WWC2: variants seen among roughly 807,000 people sequenced by gnomAD.
WWC2 encodes WW and C2 domain containing 2, also known as protein WWC2.
In WWC2, 101 loss-of-function variants were observed where a neutral mutation model predicts 138.5. The observed-to-expected ratio is 0.73, with a 90% CI of 0.62 to 0.86. WWC2 has a LOEUF of 0.86. WWC2 is among the 40% of genes least tolerant of loss of function. WWC2 has a pLI of 0.00. For missense variants in WWC2, 1,420 were observed against 1,419.4 expected (o/e 1.00, Z -0.01); for synonymous variants, 558 against 538.4 (o/e 1.04, Z -0.50).
chr4:183,169,190 G>T (rs1309234299), intron 1 of WWC2, among the ~76,000 whole-genome samples: 1 of 152,216 alleles, frequency 6.6e-6, no homozygotes, highest in African/African-American at 2.4e-5. Context: ...TTCAGAAGTT[G>T]TAAAATCAAC....
At chr4:183,220,281 A>G (rs1025506664) in intron 4 of WWC2, among the ~76,000 whole-genome samples, 2 of 152,202 alleles carry the variant, frequency 1.3e-5, no homozygotes, top group Non-Finnish European at 2.9e-5. Flanking sequence ...CAGAGAACCT[A>G]GTGAGCTATT....
At chr4:183,149,470 A>G (rs190947498) in intron 1 of WWC2, among the ~76,000 whole-genome samples, 242 of 152,134 alleles carry the variant, frequency 1.6e-3, no homozygotes, top group African/African-American at 5.5e-3. Flanking sequence ...TGAAAATACA[A>G]AATTAGCCAG....
At chr4:183,265,168 T>C (rs944718738) in intron 12 of WWC2, 61 bp downstream of exon 12, 2 of 1,547,708 alleles carry the variant, frequency 1.3e-6, no homozygotes, top group Middle Eastern at 1.9e-4. Context: ...GGATGTGGGT[T>C]ATATGCTGTA....
At chr4:183,247,635 T>C (rs892162343) in intron 6 of WWC2, among the ~76,000 whole-genome samples, 2 of 139,624 alleles carry the variant, frequency 1.4e-5, no homozygotes, top group Non-Finnish European at 3.1e-5. Flanking sequence ...ATATACTATA[T>C]ATACTATATA....
At chr4:183,252,631 A>G (rs937084928) in intron 8 of WWC2, among the ~76,000 whole-genome samples, 6 of 152,170 alleles carry the variant, frequency 3.9e-5, no homozygotes, top group African/African-American at 1.4e-4. Context: ...CAGTGGTGTC[A>G]TGCCAGCTGC....
intron 4 of WWC2, among the ~76,000 whole-genome samples, chr4:183,210,878 T>C (rs1198777418): frequency 6.6e-6 from 1 of 152,224 alleles, no homozygotes; most frequent in South Asian, 2.1e-4. Context: ...GTGCGAGACA[T>C]ACCGTCTTAT....
chr4:183,182,758 A>G (rs1734671464), intron 1 of WWC2, among the ~76,000 whole-genome samples: 1 of 152,250 alleles, frequency 6.6e-6, no homozygotes, highest in African/African-American at 2.4e-5. Flanking sequence ...TGCAGTATTG[A>G]AAGATTTTCT....
intron 1 of WWC2, among the ~76,000 whole-genome samples, chr4:183,180,767 A>C (rs1734608219): frequency 6.6e-6 from 1 of 151,674 alleles, no homozygotes; most frequent in Admixed American, 6.6e-5. Context: ...ATTTATATGC[A>C]ATTCCAGAAA....
intron 21 of WWC2, among the ~76,000 whole-genome samples, chr4:183,297,382 A>G (rs190621241): frequency 7.9e-4 from 120 of 151,590 alleles, no homozygotes; most frequent in African/African-American, 2.1e-3. Flanking sequence ...TCTTTCTGTT[A>G]TGATTGTGGT....
chr4:183,174,183 C>G (rs1003016583), intron 1 of WWC2, among the ~76,000 whole-genome samples: 4 of 152,126 alleles, frequency 2.6e-5, no homozygotes, highest in South Asian at 4.1e-4. Context: ...TTCAGCAGTC[C>G]GAGCCACCTG....
In WWC2 at chr4:183,284,278, G is replaced by T. The variant is rs1375774383; in HGVS notation, c.2936G>T (p.Arg979Leu). 4 of 1,613,808 alleles carry T rather than the reference G, an allele frequency of 2.5e-6. No individual in the cohort carries two copies. The highest frequency in any genetic ancestry group is 3.4e-6 in the Non-Finnish European group (4 of 1,179,878). ...DEAANDNMAV[R>L]PKERSSLSSR... ...GCCGCTAATGACAATATGGCAGTTC[G>T]CCCCAAAGAGCGCAGCAGCCTGAGC... Residue 979 changes from arginine (R) to leucine (L), a missense_variant, in exon 19 of 23, where the codon CGC becomes CTC. Arg to Leu is a moderately radical substitution (Grantham distance 102). Coordinates refer to ENST00000403733, the MANE Select transcript of WWC2 (RefSeq NM_024949.6).
chr4:183,102,947 G>T (rs1244358248), intron 1 of WWC2, among the ~76,000 whole-genome samples: 1 of 151,500 alleles, frequency 6.6e-6, no homozygotes, highest in Non-Finnish European at 1.5e-5. Context: ...TTTTGGAGGA[G>T]TAGGGAGCTT....
chr4:183,183,601 C>A (rs1329794950), intron 1 of WWC2, among the ~76,000 whole-genome samples: 1 of 152,074 alleles, frequency 6.6e-6, no homozygotes, highest in Non-Finnish European at 1.5e-5. Flanking sequence ...GGGCATCAGA[C>A]CTCATGTCTA....
chr4:183,320,076 A>G lies in WWC2; in HGVS notation c.*4347A>G. 2.5e-6 allele frequency: 4 copies of G among 1,614,102 alleles called. No individual in the cohort carries two copies. The highest frequency in any genetic ancestry group is 3.4e-6 in the Non-Finnish European group (4 of 1,180,032). On this transcript the variant is annotated 3_prime_UTR_variant, in exon 23 of 23. Transcript: ENST00000403733. ...GATGACACAGGTTTGCCAGAGTCCCATGGTCCAGTTTTCCATTTCATTTAA... is the reference window on the plus strand; with the variant it reads ...GATGACACAGGTTTGCCAGAGTCCCGTGGTCCAGTTTTCCATTTCATTTAA...
chr4:183,245,598 G>A (rs1736753636), intron 6 of WWC2, 53 bp downstream of exon 6: 5 of 1,491,586 alleles, frequency 3.4e-6, no homozygotes, highest in Non-Finnish European at 3.6e-6. Flanking sequence ...GAGGCCCCCA[G>A]AAACTCTTAC....
intron 1 of WWC2, among the ~76,000 whole-genome samples, chr4:183,103,589 A>G (rs1743251987): frequency 1.3e-5 from 2 of 150,570 alleles, no homozygotes; most frequent in Non-Finnish European, 2.9e-5. Flanking sequence ...CGGCCTCCCA[A>G]AGTGCTGGGA....
chr4:183,211,883 G>T (rs1560845578), intron 4 of WWC2, among the ~76,000 whole-genome samples: 2 of 151,304 alleles, frequency 1.3e-5, no homozygotes. Flanking sequence ...GTACAGTGGC[G>T]CTATCTCAGC....
chr4:183,202,892 T>C (rs1463182693), intron 2 of WWC2, among the ~76,000 whole-genome samples: 1 of 152,222 alleles, frequency 6.6e-6, no homozygotes. Context: ...AGAGACAGTG[T>C]TATAGCTTAC....
At chr4:183,215,643 A>G (rs1249261487) in intron 4 of WWC2, among the ~76,000 whole-genome samples, 1 of 152,112 alleles carries the variant, frequency 6.6e-6, no homozygotes, top group Non-Finnish European at 1.5e-5. Flanking sequence ...ATAATGTTTT[A>G]TTTCTCTCAC....
Sources: allele counts gnomAD v4.1 joint callset (sites outside exome capture counted in the v4.1 genomes callset), GRCh38; gene constraint gnomAD v4.1.1; transcripts MANE v1.5; gene names NCBI Gene and HGNC (gene_info 2026-07-23, HGNC 2026-07-21).